PCID2: variants seen among roughly 807,000 people sequenced by gnomAD.
The protein encoded by PCID2 is PCI domain containing 2.
In PCID2, 41 loss-of-function variants were observed where a neutral mutation model predicts 61.3. The ratio of observed to expected loss-of-function variants is 0.67; its 90% CI spans 0.52 to 0.87. The LOEUF (loss-of-function observed/expected upper bound fraction) is 0.87. Among genes scored for constraint, PCID2 ranks in the 40% least tolerant of loss-of-function variants. The probability of loss-of-function intolerance (pLI) is 0.00; values close to 1 mark genes in which losing one functional copy is unlikely to be tolerated. For synonymous variants in PCID2, 187 were observed against 177.8 expected, an observed-to-expected ratio of 1.05 and a Z score of -0.41; for missense variants, 392 against 493.4, an observed-to-expected ratio of 0.79 and a Z score of 1.95.
In PCID2 at chr13:113,194,026, T is replaced by TCACCATG. The variant is rs1021454184; in HGVS notation, c.363+1038_363+1044dup. ...CTTTATTTATCTTGTTTAGCAGGCC[T>TCACCATG]CACCATGCAAGCAGAGAAACAGGTG... On this transcript the variant is annotated intron_variant, in intron 6 of 13. Transcript: ENST00000337344. 9.8e-5 allele frequency among the ~76,000 whole-genome samples: 15 copies of TCACCATG among 152,288 alleles called. No individual in the cohort carries two copies. In the South Asian group the frequency reaches 1.9e-3, roughly 19 times the overall value.
At chr13:113,169,844 C>G in the PCID2 span, among the ~76,000 whole-genome samples, 1 of 152,248 alleles carries the variant, frequency 6.6e-6, no homozygotes, top group South Asian at 2.1e-4. Flanking sequence ...CACCACTGCT[C>G]TGCTGAAAAC....
intron 1 of PCID2, among the ~76,000 whole-genome samples, chr13:113,206,924 C>T (rs1016437043): frequency 1.3e-5 from 2 of 152,142 alleles, no homozygotes; most frequent in Non-Finnish European, 1.5e-5. Context: ...CATGTGACTA[C>T]GAAGGAGTCT....
rs1057013038 is a variant in PCID2 at position 113,185,850 on chromosome 13, G to C, written c.468-290C>G. 3 of 295,254 alleles carry C rather than the reference G, an allele frequency of 1.0e-5. 1 individual carries two copies. The highest frequency in any genetic ancestry group is 1.9e-5 in the Non-Finnish European group (3 of 158,688). The allele number at this position is 295,254 out of a possible 1,614,324, so 18.3% of individuals were successfully genotyped here. On this transcript the variant is annotated intron_variant, in intron 7 of 13. Coordinates refer to ENST00000337344, the MANE Select transcript of PCID2 (RefSeq NM_001127202.4). ...GCACCAGCTAAAAACTGCCTCATTTGCAGCAACAATGCGTAAAAGTTAATT... is the reference window on the plus strand; with the variant it reads ...GCACCAGCTAAAAACTGCCTCATTTCCAGCAACAATGCGTAAAAGTTAATT...
chr13:113,200,652 G>GT, intron 1 of PCID2, 136 bp from the exon 2 acceptor site: 2 of 506,806 alleles, frequency 3.9e-6, no homozygotes, highest in Non-Finnish European at 7.2e-6. Context: ...CAATCAAAAT[G>GT]TAACAGATGG....
chr13:113,167,242 AAAG>A, the PCID2 span, among the ~76,000 whole-genome samples: 3 of 152,200 alleles, frequency 2.0e-5, 1 homozygote, highest in African/African-American at 7.2e-5. Flanking sequence ...TATCCCCTTT[AAAG>A]TGAGGATCTC....
chr13:113,178,715 C>T (rs977557685), intron 13 of PCID2, among the ~76,000 whole-genome samples: 4 of 152,036 alleles, frequency 2.6e-5, no homozygotes, highest in African/African-American at 7.3e-5. Flanking sequence ...TTTTGGTATC[C>T]GAGGGGGGTT....
chr13:113,196,052 A>G, intron 5 of PCID2, 129 bp downstream of exon 5: 1 of 677,052 alleles, frequency 1.5e-6, no homozygotes, highest in Non-Finnish European at 2.7e-6. Context: ...ATATTACCAT[A>G]TGTCAACACA....
intron 7 of PCID2, among the ~76,000 whole-genome samples, chr13:113,190,421 C>T (rs902716306): frequency 1.4e-4 from 22 of 152,044 alleles, no homozygotes; most frequent in African/African-American, 4.8e-4. Flanking sequence ...TGTCAACCCA[C>T]GAGACTCCAT....
At chr13:113,171,864 T>C in the PCID2 span, 1 of 1,613,638 alleles carries the variant, frequency 6.2e-7, no homozygotes. The surrounding 1 kb of genome is among the most constrained non-coding windows in gnomAD (Gnocchi z 5.1). Context: ...CCTGTCACAC[T>C]TGTGGAGGGG....
intron 6 of PCID2, among the ~76,000 whole-genome samples, chr13:113,192,524 A>G (rs78887144): frequency 0.017 from 2,611 of 152,340 alleles, 72 homozygotes; most frequent in African/African-American, 0.058. Context: ...CAAAACGAAT[A>G]GAACAAATCT....
Position 113,191,789 on chromosome 13 carries a change from C to CT in PCID2, c.364-815dup, listed in dbSNP as rs143206919. On this transcript the variant is annotated intron_variant, in intron 6 of 13. Coordinates refer to ENST00000337344, the MANE Select transcript of PCID2 (RefSeq NM_001127202.4). ...CACAACAACACTAAGCCATTATGGT[C>CT]TTTTTTTACTGTATTAACGTTTGCA... Among the ~76,000 whole-genome samples, 735 of 152,244 alleles carry CT rather than the reference C, an allele frequency of 4.8e-3. 5 individuals carry two copies. The highest frequency in any genetic ancestry group is 0.016 in the African/African-American group (676 of 41,528).
At chr13:113,208,509 GA>G in intron 1 of PCID2, 89 bp downstream of exon 1, 2 of 1,553,888 alleles carry the variant, frequency 1.3e-6, no homozygotes, top group Non-Finnish European at 1.7e-6. Context: ...GGCGGGAAAG[GA>G]AAAGGCCTGA....
chr13:113,201,182 T>C (rs2039400132), intron 1 of PCID2, among the ~76,000 whole-genome samples: 1 of 152,072 alleles, frequency 6.6e-6, no homozygotes, highest in Non-Finnish European at 1.5e-5. Context: ...TAAATAGATG[T>C]CACATTCATA....
Position 113,195,130 on chromosome 13 carries a change from A to G in PCID2, c.309-5T>C. The G allele has an allele frequency of 1.2e-6, 2 of 1,602,946 alleles. No individual in the cohort carries two copies. The highest frequency in any genetic ancestry group is 1.7e-6 in the Non-Finnish European group (2 of 1,169,764). On this transcript the variant is annotated splice_region_variant and splice_polypyrimidine_tract_variant and intron_variant, in intron 5 of 13. Transcript: ENST00000337344. ...GCATACATGACAGGCAGAGCCCTGC[A>G]GGGCAAAAAAGTAAACAAGTGTGAG... is the stretch of plus-strand genomic sequence containing the variant.
intron 1 of PCID2, among the ~76,000 whole-genome samples, chr13:113,201,176 T>C (rs1447458656): frequency 1.3e-5 from 2 of 152,246 alleles, no homozygotes; most frequent in African/African-American, 2.4e-5. Flanking sequence ...AATAGCTAAA[T>C]AGATGTCACA....
chr13:113,180,751 C>T (rs952827423), intron 10 of PCID2, among the ~76,000 whole-genome samples: 1 of 152,162 alleles, frequency 6.6e-6, no homozygotes, highest in African/African-American at 2.4e-5. Context: ...ATTTTAGTAA[C>T]TAAATGAAAT....
chr13:113,202,956 G>A (rs534350304), intron 1 of PCID2, among the ~76,000 whole-genome samples: 108 of 152,312 alleles, frequency 7.1e-4, no homozygotes, highest in African/African-American at 2.5e-3. Context: ...GAATTTGACT[G>A]TCCTTATTCT....
At chr13:113,172,183 T>C in the PCID2 span, 1 of 1,557,038 alleles carries the variant, frequency 6.4e-7, no homozygotes, top group African/African-American at 1.4e-5. Flanking sequence ...TGGAGGGCGC[T>C]GAAACTTCAT....
At chr13:113,194,978 C>A (rs576037147) in intron 6 of PCID2, 93 bp downstream of exon 6, 1 of 931,476 alleles carries the variant, frequency 1.1e-6, no homozygotes, top group Non-Finnish European at 1.8e-6. Flanking sequence ...CAATTTGCTC[C>A]TCAAAACTTC....
Sources: gnomAD v4.1 joint callset for allele counts (sites outside exome capture counted in the v4.1 genomes callset) on GRCh38, gnomAD v4.1.1 for gene constraint, Gnocchi (gnomAD v3.1) non-coding constraint, MANE v1.5 for transcripts, NCBI Gene and HGNC (gene_info 2026-07-23, HGNC 2026-07-21) for gene names.